The following ZNF44 variants were observed in gnomAD, a reference collection of about 807,000 sequenced individuals.
ZNF44 encodes the protein gonadotropin inducible transcription repressor-2.
Under a neutral mutation model 11.7 loss-of-function variants are expected in ZNF44, and 9 were observed. The observed-to-expected ratio is 0.77, with a 90% CI of 0.46 to 1.35. The LOEUF is 1.35. Among genes scored for constraint, ZNF44 ranks in the 40% most tolerant of loss-of-function variants. ZNF44 has a pLI of 0.00. For synonymous variants in ZNF44, 224 were observed against 242.7 expected (o/e 0.92, Z 0.72); for missense variants, 696 against 743.1 (o/e 0.94, Z 0.74).
intron 5 of ZNF44, among the ~76,000 whole-genome samples, chr19:12,258,156 T>G (rs1180891774): frequency 2.3e-5 from 2 of 87,132 alleles, no homozygotes; most frequent in African/African-American, 1.0e-4. Context: ...AGATCTCATC[T>G]CTACAAAAAA....
chr19:12,252,588 G>T (rs939069002), intron 5 of ZNF44, among the ~76,000 whole-genome samples: 1 of 152,174 alleles, frequency 6.6e-6, no homozygotes. Flanking sequence ...TAAGTGAAAT[G>T]AGTAACAGCA....
At chr19:12,258,793 C>T (rs1331594254) in intron 5 of ZNF44, among the ~76,000 whole-genome samples, 2 of 152,154 alleles carry the variant, frequency 1.3e-5, no homozygotes, top group African/African-American at 4.8e-5. Context: ...TCCCGCCATG[C>T]ACTCCAGCCT....
At chr19:12,268,227 A>G (rs2145715035), downstream of ZNF44, among the ~76,000 whole-genome samples, 1 of 151,204 alleles carries the variant, frequency 6.6e-6, no homozygotes, top group South Asian at 2.1e-4. Flanking sequence ...CCTACATCTG[A>G]TGCTAACTTT....
intron 5 of ZNF44, among the ~76,000 whole-genome samples, chr19:12,259,569 G>GT (rs1917409036): frequency 6.6e-6 from 1 of 151,874 alleles, no homozygotes; most frequent in Admixed American, 6.6e-5. Context: ...TCCCTGCTTT[G>GT]TTTTTTGGTT....
intron 7 of ZNF44, chr19:12,249,964 T>A (rs1186655510): frequency 7.9e-7 from 1 of 1,273,204 alleles, no homozygotes; most frequent in East Asian, 5.6e-5. Context: ...CTTTCTTTTC[T>A]GAGTGTGACT....
At chr19:12,238,624 CA>C (rs760047200), upstream of ZNF44, among the ~76,000 whole-genome samples, 3,511 of 62,578 alleles carry the variant, frequency 0.056, 46 homozygotes, top group Middle Eastern at 0.1. Context: ...GAGACTGTCT[CA>C]AAAAAAAAAA....
At chr19:12,247,937 G>C in exon 8 of ZNF44, 1 of 1,344,992 alleles carries the variant, frequency 7.4e-7, no homozygotes, top group Non-Finnish European at 9.9e-7. Flanking sequence ...CACATTCCTT[G>C]CATTTGTAGG....
chr19:12,233,564 A>C (rs1489465642), intron 2 of ZNF44, among the ~76,000 whole-genome samples: 2 of 151,890 alleles, frequency 1.3e-5, no homozygotes, highest in South Asian at 2.1e-4. Flanking sequence ...AAAAAAAAAA[A>C]AAAAAAAACC....
At chr19:12,249,744 G>A (rs1916918226) in intron 7 of ZNF44, among the ~76,000 whole-genome samples, 1 of 151,958 alleles carries the variant, frequency 6.6e-6, no homozygotes, top group Non-Finnish European at 1.5e-5. Flanking sequence ...TAGAGATGGG[G>A]TTTCTCCATG....
downstream of ZNF44, among the ~76,000 whole-genome samples, chr19:12,269,406 C>T (rs1184944489): frequency 4.6e-5 from 7 of 152,132 alleles, no homozygotes; most frequent in East Asian, 1.2e-3. Flanking sequence ...CCTGTAATCC[C>T]AGCTACTCGG....
chr19:12,270,030 TAATA>T (rs1375014866), downstream of ZNF44, among the ~76,000 whole-genome samples: 1 of 152,202 alleles, frequency 6.6e-6, no homozygotes, highest in Non-Finnish European at 1.5e-5. Context: ...TTCACAGTTT[TAATA>T]GATTTCCAGT....
At chr19:12,283,737 A>C (rs1438528158) in intron 1 of ZNF44, among the ~76,000 whole-genome samples, 6 of 152,214 alleles carry the variant, frequency 3.9e-5, no homozygotes, top group Admixed American at 3.9e-4. Context: ...AAGAAGAAGC[A>C]GGCATAGTGA....
intron 1 of ZNF44, among the ~76,000 whole-genome samples, chr19:12,285,960 A>C (rs1310384400): frequency 7.0e-6 from 1 of 142,868 alleles, no homozygotes; most frequent in East Asian, 2.0e-4. Flanking sequence ...CAGAGCTTGC[A>C]GTGAGCCGAG....
At chr19:12,245,045 T>C (rs903781394), downstream of ZNF44, among the ~76,000 whole-genome samples, 9 of 152,230 alleles carry the variant, frequency 5.9e-5, no homozygotes, top group African/African-American at 2.2e-4. Flanking sequence ...AAAAGCATGC[T>C]TTGTTCCTGT....
chr19:12,238,645 A>T (rs1027310800), upstream of ZNF44, among the ~76,000 whole-genome samples: 1 of 146,936 alleles, frequency 6.8e-6, no homozygotes, highest in Non-Finnish European at 1.5e-5. Flanking sequence ...AAAAAAAAAA[A>T]AATAGCTGGG....
At chr19:12,253,027 A>G (rs1284822013) in intron 5 of ZNF44, among the ~76,000 whole-genome samples, 2 of 151,522 alleles carry the variant, frequency 1.3e-5, no homozygotes, top group African/African-American at 4.8e-5. Flanking sequence ...AGCTGGGACT[A>G]TGGGCGTGTG....
exon 2 of ZNF44, chr19:12,234,677 C>G (rs1916309603): frequency 6.6e-6 from 1 of 152,190 alleles, no homozygotes; most frequent in Non-Finnish European, 1.5e-5. Flanking sequence ...CTATAGAAGC[C>G]AGGTGCTGAT....
Position 12,273,393 on chromosome 19 carries a change from T to C in ZNF44, c.862A>G (p.Lys288Glu). The C allele has an allele frequency of 6.2e-7, 1 of 1,614,060 alleles. No homozygotes were observed. The highest frequency in any genetic ancestry group is 1.1e-5 in the South Asian group (1 of 91,074). ...AGGGAACCGGAAACACTGAAGGCTT[T>C]CCCACATTGTTTACATTTGTAGGGT... The part of the protein sequence containing the change: ...EKPYKCKQCG[K>E]AFSVSGSLRV... Residue 288 changes from lysine to glutamate, a missense_variant, in exon 4 of 4, where the codon AAA (lysine) becomes GAA (glutamate). By Grantham distance (56) the Lys-to-Glu change is moderately conservative (BLOSUM62 1). Coordinates refer to ENST00000355684, the MANE Select transcript of ZNF44 (RefSeq NM_016264.4).
At chr19:12,290,777 C>T (rs1007094971) in intron 1 of ZNF44, among the ~76,000 whole-genome samples, 2 of 152,052 alleles carry the variant, frequency 1.3e-5, no homozygotes, top group African/African-American at 4.8e-5. Flanking sequence ...AGTGATTAGG[C>T]TGGGACACCT....
Sources: allele counts gnomAD v4.1 joint callset (sites outside exome capture counted in the v4.1 genomes callset), GRCh38; gene constraint gnomAD v4.1.1; transcripts MANE v1.5; gene names NCBI Gene and HGNC (gene_info 2026-07-23, HGNC 2026-07-21).